The following PCNX1 variants were observed in gnomAD, a reference collection of about 807,000 sequenced individuals.
PCNX1 encodes pecanex 1.
In PCNX1, 78 loss-of-function variants were observed where a neutral mutation model predicts 242.2. The ratio of observed to expected loss-of-function variants is 0.32; its 90% CI spans 0.27 to 0.39. The LOEUF is 0.39. PCNX1 is among the 10% of genes least tolerant of loss of function. PCNX1 has a pLI of 1.00. For synonymous variants in PCNX1, 1,024 were observed against 1,032.9 expected, an observed-to-expected ratio of 0.99 and a Z score of 0.17; for missense variants, 2,581 against 2,856.5, an observed-to-expected ratio of 0.90 and a Z score of 2.20.
At chr14:71,084,529 T>A (rs2061935464) in intron 28 of PCNX1, among the ~76,000 whole-genome samples, 1 of 152,002 alleles carries the variant, frequency 6.6e-6, no homozygotes. Context: ...CTGCTGCCTT[T>A]CAGAGATGCC....
At chr14:70,954,720 TCTTA>T (rs1390863918) in intron 2 of PCNX1, among the ~76,000 whole-genome samples, 12 of 152,206 alleles carry the variant, frequency 7.9e-5, no homozygotes, top group Non-Finnish European at 1.3e-4. Context: ...CACAATTATT[TCTTA>T]CTTTCTAGTC....
Position 71,026,212 on chromosome 14 carries a change from T to A in PCNX1, c.3279T>A (p.Thr1093=). 1 of 1,612,014 alleles carries A rather than the reference T, an allele frequency of 6.2e-7. No homozygotes were observed. ...TGGATTATGGTAGCAGAAACCTGAC[T>A]GCAACCAAGTTCAAATTATATGGAA... ...WLLDYGSRNL[T]ATKFKLYGIT... Residue 1093 remains threonine (T), a synonymous_variant, in exon 14 of 36, where the codon ACT becomes ACA. Coordinates refer to ENST00000304743, the MANE Select transcript of PCNX1 (RefSeq NM_014982.3).
intron 25 of PCNX1, among the ~76,000 whole-genome samples, chr14:71,056,898 T>A (rs1328137923): frequency 6.6e-6 from 1 of 152,104 alleles, no homozygotes; most frequent in Non-Finnish European, 1.5e-5. Flanking sequence ...CAGGTTAGTC[T>A]CCTGGCCTGA....
intron 8 of PCNX1, among the ~76,000 whole-genome samples, chr14:71,001,105 G>T (rs2059492787): frequency 6.6e-6 from 1 of 152,018 alleles, no homozygotes; most frequent in Non-Finnish European, 1.5e-5. Context: ...TTGTAAACTT[G>T]TTATATAATC....
At chr14:70,930,089 C>T (rs540042786) in intron 1 of PCNX1, among the ~76,000 whole-genome samples, 14 of 151,622 alleles carry the variant, frequency 9.2e-5, no homozygotes, top group African/African-American at 2.4e-4. Context: ...TCTTCTCATG[C>T]ATGTGTGTGT....
At chr14:71,063,327 T>C (rs1012407020) in intron 26 of PCNX1, among the ~76,000 whole-genome samples, 3 of 152,184 alleles carry the variant, frequency 2.0e-5, no homozygotes, top group Non-Finnish European at 2.9e-5. Flanking sequence ...GATTTGGCCC[T>C]GGGCTGAAGT....
intron 20 of PCNX1, among the ~76,000 whole-genome samples, chr14:71,046,587 G>A (rs2060867478): frequency 6.6e-6 from 1 of 151,930 alleles, no homozygotes; most frequent in Admixed American, 6.6e-5. Flanking sequence ...AATATTATTG[G>A]CAATGAAAGC....
At chr14:71,077,939 A>G (rs564511824) in intron 28 of PCNX1, among the ~76,000 whole-genome samples, 1 of 152,238 alleles carries the variant, frequency 6.6e-6, no homozygotes, top group African/African-American at 2.4e-5. Context: ...AGGAGTTCAC[A>G]GTCTACCCAC....
intron 26 of PCNX1, among the ~76,000 whole-genome samples, chr14:71,067,125 A>G (rs1011823826): frequency 4.0e-5 from 6 of 151,870 alleles, no homozygotes; most frequent in African/African-American, 1.5e-4. Context: ...TGCTGGCCTC[A>G]TAAAATGAGT....
intron 26 of PCNX1, among the ~76,000 whole-genome samples, chr14:71,061,971 A>T (rs922911631): frequency 6.7e-6 from 1 of 149,570 alleles, no homozygotes; most frequent in Non-Finnish European, 1.5e-5. Context: ...TTTTAGCAGA[A>T]GCTTTAGCAG....
intron 5 of PCNX1, among the ~76,000 whole-genome samples, chr14:70,970,326 A>G (rs2058503461): frequency 6.6e-6 from 1 of 151,956 alleles, no homozygotes; most frequent in Non-Finnish European, 1.5e-5. Flanking sequence ...TGGTAGTGCC[A>G]CCGCACTCCA....
In PCNX1 at chr14:71,109,580, CATGGAAGGCCATGTAAGTTCTTTT is replaced by C; in HGVS notation, c.6875_6885+13del. ...GGAAAGACTGGAGTCCGCAGGAGGG[CATGGAAGGCCATGTAAGTTCTTTT>C]ACAAGCTGGCGGTCTGGGGCTCTGC... On this transcript the variant is annotated splice_donor_variant and splice_donor_5th_base_variant and coding_sequence_variant and intron_variant, in exon 35 of 36. Coordinates refer to ENST00000304743, the MANE Select transcript of PCNX1 (RefSeq NM_014982.3). LOFTEE classifies it high-confidence loss of function. 1.9e-6 allele frequency: 3 copies of C among 1,614,118 alleles called. No homozygotes were observed. Among genetic ancestry groups the C allele is most frequent in the Non-Finnish European group, 2.5e-6 (3 of 1,180,010 alleles).
intron 8 of PCNX1, among the ~76,000 whole-genome samples, chr14:71,002,439 T>G (rs1055635623): frequency 1.3e-5 from 2 of 152,330 alleles, no homozygotes. Flanking sequence ...TTAACAGATG[T>G]GTATACCCGT....
intron 28 of PCNX1, among the ~76,000 whole-genome samples, chr14:71,081,684 T>G (rs1284262109): frequency 6.6e-6 from 1 of 152,196 alleles, no homozygotes; most frequent in Non-Finnish European, 1.5e-5. Context: ...TGATGGTAGT[T>G]TGTATTTCTG....
At position 70,910,204 on chromosome 14, in the gene PCNX1, CTCG is replaced by C. The variant is rs1202222694; in HGVS notation, c.153+2204_153+2206del. Among the ~76,000 whole-genome samples the C allele has an allele frequency of 1.9e-3, 65 of 34,524 alleles. 7 individuals carry two copies. Among genetic ancestry groups the C allele is most frequent in the African/African-American group, 2.7e-3 (31 of 11,284 alleles). The allele number at this position is 34,524 out of a possible 152,430, so 22.6% of individuals were successfully genotyped here. On this transcript the variant is annotated intron_variant, in intron 1 of 35. Coordinates refer to ENST00000304743, the MANE Select transcript of PCNX1 (RefSeq NM_014982.3). The stretch of plus-strand genomic sequence containing the variant: ...CCTCCTCCTCCTCCTCCTCCTCCTC[CTCG>C]TCCTCCTCCTCCTCCTCCTCCTCTC...
Position 70,976,458 on chromosome 14 carries a change from C to T in PCNX1, c.605-484C>T, listed in dbSNP as rs530293446. 3.8e-4 allele frequency among the ~76,000 whole-genome samples: 57 copies of T among 150,938 alleles called. No individual in the cohort carries two copies. In the East Asian group the frequency reaches 9.4e-3, roughly 25 times the overall value. ...TACGATCTCGGCTCACTGCATGCTC[C>T]GCCTCCTGGGTTCACACCATTCTCC... On this transcript the variant is annotated intron_variant, in intron 5 of 35. Coordinates refer to ENST00000304743, the MANE Select transcript of PCNX1 (RefSeq NM_014982.3).
At chr14:70,959,941 ATC>A (rs1434876200) in intron 2 of PCNX1, among the ~76,000 whole-genome samples, 1 of 138,068 alleles carries the variant, frequency 7.2e-6, no homozygotes, top group Non-Finnish European at 1.6e-5. Context: ...GTGAGATGGT[ATC>A]TCATTGTGGT....
Position 71,115,271 on chromosome 14 carries a change from G to GTTGT in PCNX1, c.*5339_*5342dup, listed in dbSNP as rs1446099026. On this transcript the variant is annotated 3_prime_UTR_variant, in exon 36 of 36. Transcript: ENST00000304743. ...TTCTGAACAGCTTGTAAATATTGTAGTTGTTTAAAATGGAAAATAAAAGCT... is the reference window on the plus strand; with the variant it reads ...TTCTGAACAGCTTGTAAATATTGTAGTTGTTTGTTTAAAATGGAAAATAAAAGCT... 3 of 152,662 alleles carry GTTGT rather than the reference G, an allele frequency of 2.0e-5. No individual in the cohort carries two copies. Among genetic ancestry groups the GTTGT allele is most frequent in the African/African-American group, 7.2e-5 (3 of 41,538 alleles). The allele number at this position is 152,662 out of a possible 1,614,324, so 9.5% of individuals were successfully genotyped here. A position where few individuals can be genotyped will look rare whatever the true frequency, so the allele number is the denominator to read the frequency against.
chr14:70,922,489 A>G, intron 1 of PCNX1, among the ~76,000 whole-genome samples: 1 of 152,114 alleles, frequency 6.6e-6, no homozygotes. Context: ...AAATAGGGGA[A>G]ATGTTATAAA....
Sources: allele counts gnomAD v4.1 joint callset (sites outside exome capture counted in the v4.1 genomes callset), GRCh38; gene constraint gnomAD v4.1.1; transcripts MANE v1.5; gene names NCBI Gene and HGNC (gene_info 2026-07-23, HGNC 2026-07-21).